TANC1: variants seen among roughly 807,000 people sequenced by gnomAD.
TANC1 encodes tetratricopeptide repeat, ankyrin repeat and coiled-coil containing 1.
Under a neutral mutation model 149.7 loss-of-function variants are expected in TANC1, and 77 were observed. The observed-to-expected ratio is 0.51, with a 90% CI of 0.43 to 0.62. TANC1 has a LOEUF of 0.62. Among genes scored for constraint, TANC1 ranks in the 20% least tolerant of loss-of-function variants. The pLI, the probability that TANC1 is intolerant of heterozygous loss-of-function variation, is 0.00. For synonymous variants in TANC1, 854 were observed against 925.0 expected (o/e 0.92, Z 1.39); for missense variants, 1,985 against 2,321.8 (o/e 0.85, Z 2.98).
At chr2:159,090,300 C>T (rs1290898736) in intron 3 of TANC1, among the ~76,000 whole-genome samples, 1 of 152,238 alleles carries the variant, frequency 6.6e-6, no homozygotes, top group Non-Finnish European at 1.5e-5. Flanking sequence ...TAATCATCTG[C>T]ATTACTTAGT....
intron 22 of TANC1, among the ~76,000 whole-genome samples, chr2:159,221,072 C>T (rs1441937907): frequency 2.0e-5 from 3 of 151,646 alleles, no homozygotes; most frequent in African/African-American, 2.4e-5. Context: ...CATTACTGGC[C>T]GGGTGCGGTG....
intron 2 of TANC1, among the ~76,000 whole-genome samples, chr2:159,052,099 A>C (rs992250590): frequency 6.6e-6 from 1 of 152,216 alleles, no homozygotes; most frequent in African/African-American, 2.4e-5. Context: ...GATCCAGTTA[A>C]CTGAAACACG....
chr2:159,217,434 A>C lies in TANC1; in HGVS notation c.3245-63A>C, dbSNP rs970563304. On this transcript the variant is annotated intron_variant, in intron 19 of 26. Transcript: ENST00000263635. ...CACTGGGGGAGAGAACTGTTAAAGAATTTCTGGCTATCTGTGCTCCACCAC... is the reference window on the plus strand; with the variant it reads ...CACTGGGGGAGAGAACTGTTAAAGACTTTCTGGCTATCTGTGCTCCACCAC... 5 of 1,602,714 alleles carry C rather than the reference A, an allele frequency of 3.1e-6. No individual in the cohort carries two copies. In the South Asian group the frequency reaches 5.6e-5, roughly 18 times the overall value.
rs2038337863 is a variant in TANC1, at chr2:159,016,903, A to AT, written c.-16+15715dup. 3.9e-5 allele frequency among the ~76,000 whole-genome samples: 6 copies of AT among 152,286 alleles called. No individual in the cohort carries two copies. In the South Asian group the frequency reaches 1.2e-3, roughly 32 times the overall value. On this transcript the variant is annotated intron_variant, in intron 2 of 26. Transcript: ENST00000263635. The stretch of plus-strand genomic sequence containing the variant: ...TAGGCCAAATTTTCTAGTCAAAGAA[A>AT]TATCTACTCCTCTTCTTATATTTCC...
At chr2:159,007,487 A>G (rs2037331683) in intron 2 of TANC1, among the ~76,000 whole-genome samples, 1 of 152,146 alleles carries the variant, frequency 6.6e-6, no homozygotes, top group Non-Finnish European at 1.5e-5. Flanking sequence ...GTTTAGATGT[A>G]TAAGTACTTA....
At chr2:158,989,918 A>ATT (rs56934916) in intron 1 of TANC1, among the ~76,000 whole-genome samples, 20 of 142,668 alleles carry the variant, frequency 1.4e-4, no homozygotes, top group South Asian at 4.5e-4. Context: ...TAAAATGGGG[A>ATT]TTTTTTTTTT....
chr2:159,150,405 C>T lies in TANC1; in HGVS notation c.531C>T (p.Ser177=). The part of the protein sequence containing the change: ...TALSQGISPC[S]TLTSSTASPS... The stretch of plus-strand genomic sequence containing the variant: ...TGAGTCAAGGCATCAGTCCTTGCTC[C>T]ACACTAACAAGCAGCACCGCATCTC... Residue 177 remains serine, a synonymous_variant, in exon 7 of 27, where the codon TCC becomes TCT. Coordinates refer to ENST00000263635, the MANE Select transcript of TANC1 (RefSeq NM_033394.3). 6.2e-7 allele frequency: 1 copy of T among 1,614,126 alleles called. No homozygotes were observed. The highest frequency in any genetic ancestry group is 8.5e-7 in the Non-Finnish European group (1 of 1,180,004).
intron 2 of TANC1, among the ~76,000 whole-genome samples, chr2:159,052,282 C>T (rs1368533511): frequency 6.6e-6 from 1 of 152,126 alleles, no homozygotes; most frequent in African/African-American, 2.4e-5. Context: ...CATGCCAGGC[C>T]TGGTTTTTGT....
intron 19 of TANC1, among the ~76,000 whole-genome samples, chr2:159,212,290 G>T (rs1418505051): frequency 6.6e-6 from 1 of 152,154 alleles, no homozygotes; most frequent in Non-Finnish European, 1.5e-5. Flanking sequence ...CCTTCTTCTG[G>T]TCAACCAGGG....
At chr2:158,992,919 G>A (rs1165924086) in intron 1 of TANC1, among the ~76,000 whole-genome samples, 1 of 152,116 alleles carries the variant, frequency 6.6e-6, no homozygotes, top group East Asian at 1.9e-4. Flanking sequence ...TTACTTCACT[G>A]TGCTTCACTT....
chr2:159,166,513 C>T (rs373818591), intron 8 of TANC1, among the ~76,000 whole-genome samples: 4 of 152,224 alleles, frequency 2.6e-5, no homozygotes, highest in Non-Finnish European at 5.9e-5. Context: ...TAATTAATTT[C>T]GCTGTAGAGA....
At chr2:159,043,762 A>G (rs1212009615) in intron 2 of TANC1, among the ~76,000 whole-genome samples, 3 of 152,218 alleles carry the variant, frequency 2.0e-5, no homozygotes, top group Non-Finnish European at 2.9e-5. Flanking sequence ...CACATTTTTA[A>G]TAAGGTCAGA....
intron 4 of TANC1, among the ~76,000 whole-genome samples, chr2:159,131,106 C>T (rs1034040994): frequency 1.3e-5 from 2 of 151,882 alleles, no homozygotes; most frequent in African/African-American, 2.4e-5. Flanking sequence ...CTCTTCCTGC[C>T]GTGGCCTATA....
rs60301265 is a variant in TANC1, at chr2:159,219,616, G to A, written c.3503-76G>A. ...ACACTTGGTTCAGGCCGGGTGTTCC[G>A]CAGGTGTGAAACAATTTGCTTTCTG... On this transcript the variant is annotated intron_variant, in intron 21 of 26. Coordinates refer to ENST00000263635, the MANE Select transcript of TANC1 (RefSeq NM_033394.3). The A allele has an allele frequency of 7.8e-3, 12,210 of 1,559,792 alleles. 864 individuals are homozygous for A. In the African/African-American group the frequency reaches 0.15, roughly 19 times the overall value.
At chr2:159,000,173 G>T (rs963740702) in intron 1 of TANC1, among the ~76,000 whole-genome samples, 1 of 152,144 alleles carries the variant, frequency 6.6e-6, no homozygotes, top group Non-Finnish European at 1.5e-5. Flanking sequence ...AAGGTGAACC[G>T]GGTGGTGTGT....
At chr2:159,126,709 C>T (rs2150130642) in intron 4 of TANC1, among the ~76,000 whole-genome samples, 1 of 152,270 alleles carries the variant, frequency 6.6e-6, no homozygotes, top group South Asian at 2.1e-4. Flanking sequence ...CAATTCATTG[C>T]TTTTAGGCAG....
At chr2:159,015,206 A>C (rs1045741648) in intron 2 of TANC1, among the ~76,000 whole-genome samples, 4 of 152,220 alleles carry the variant, frequency 2.6e-5, no homozygotes, top group Non-Finnish European at 5.9e-5. Context: ...CTCAAACCTC[A>C]GTTCTTGACT....
intron 2 of TANC1, among the ~76,000 whole-genome samples, chr2:159,037,710 CTA>C (rs2040308543): frequency 6.6e-6 from 1 of 152,166 alleles, no homozygotes; most frequent in African/African-American, 2.4e-5. Flanking sequence ...TTCCATTGGT[CTA>C]TCTCTCTGTT....
rs1454226317 is a variant in TANC1, at chr2:159,150,372, C to T, written c.498C>T (p.Cys166=). ...ITIEDKNETM[C]TALSQGISPC... is the part of the protein sequence containing the mutation. ...TCCTCCTTCCATTCATCTTGCAGTG[C>T]ACAGCTCTGAGTCAAGGCATCAGTC... is the stretch of plus-strand genomic sequence containing the variant. Residue 166 remains cysteine, a splice_region_variant and synonymous_variant, in exon 7 of 27, where the codon TGC becomes TGT. Coordinates refer to ENST00000263635, the MANE Select transcript of TANC1 (RefSeq NM_033394.3). 1 of 1,613,844 alleles carries T rather than the reference C, an allele frequency of 6.2e-7. No homozygotes were observed. Among genetic ancestry groups the T allele is most frequent in the African/African-American group, 1.3e-5 (1 of 74,996 alleles).
Sources: allele counts gnomAD v4.1 joint callset (sites outside exome capture counted in the v4.1 genomes callset), GRCh38; gene constraint gnomAD v4.1.1; transcripts MANE v1.5; gene names NCBI Gene and HGNC (gene_info 2026-07-23, HGNC 2026-07-21).